The following PPP6R1 variants were observed in gnomAD, a reference collection of about 807,000 sequenced individuals.
PPP6R1 encodes serine/threonine-protein phosphatase 6 regulatory subunit 1.
Under a neutral mutation model 104.6 loss-of-function variants are expected in PPP6R1, and 39 were observed. The observed-to-expected ratio is 0.37, with a 90% CI of 0.29 to 0.49. The LOEUF is 0.49. Ranked by LOEUF, PPP6R1 falls within the 20% of genes least tolerant of loss-of-function variation. The probability of loss-of-function intolerance (pLI) is 0.98; values close to 1 mark genes in which losing one functional copy is unlikely to be tolerated. For missense variants in PPP6R1, 1,181 were observed against 1,155.8 expected (o/e 1.02, Z -0.32); for synonymous variants, 549 against 479.0 (o/e 1.15, Z -1.91).
At chr19:55,233,654 T>C (rs2087369505) in intron 17 of PPP6R1, among the ~76,000 whole-genome samples, 2 of 152,124 alleles carry the variant, frequency 1.3e-5, no homozygotes, top group South Asian at 4.1e-4. Flanking sequence ...CTTGTAACAA[T>C]CTGAAAACAA....
rs754675530 is a variant in PPP6R1, at chr19:55,246,899, C to T, written c.205G>A (p.Gly69Ser). Residue 69 changes from glycine (G) to serine (S), a missense_variant, in exon 2 of 24, where the codon GGT becomes AGT. By Grantham distance (56) the Gly-to-Ser change is moderately conservative. This residue lies in a region of PPP6R1 where 139 missense variants were observed against 200.1 expected (regional missense o/e 0.69). Coordinates refer to ENST00000412770, the MANE Select transcript of PPP6R1 (RefSeq NM_014931.4). ...CACTTGTAGCGCAGCCGCTCCTCACCGCTATCTGGCGGCTCCTGGGTGACC... is the reference window on the plus strand; with the variant it reads ...CACTTGTAGCGCAGCCGCTCCTCACTGCTATCTGGCGGCTCCTGGGTGACC... Reference protein sequence around the residue: ...AWVTQEPPDSGEERLRYKYPS... With the variant: ...AWVTQEPPDSSEERLRYKYPS... 51 of 1,610,228 alleles carry T rather than the reference C, an allele frequency of 3.2e-5. No individual in the cohort carries two copies. The highest frequency in any genetic ancestry group is 3.9e-5 in the Non-Finnish European group (46 of 1,178,204).
At chr19:55,237,519 T>C (rs1190787963) in intron 15 of PPP6R1, among the ~76,000 whole-genome samples, 1 of 152,186 alleles carries the variant, frequency 6.6e-6, no homozygotes, top group Non-Finnish European at 1.5e-5. Flanking sequence ...CACGAGGGTC[T>C]AATGATCAGG....
downstream of PPP6R1, chr19:55,228,437 G>C (rs139225645): frequency 6.2e-7 from 1 of 1,611,074 alleles, no homozygotes; most frequent in African/African-American, 1.3e-5. Flanking sequence ...ACATCTGGGC[G>C]CTTTGGGGAG....
At position 55,241,098 on chromosome 19, in the gene PPP6R1, T is replaced by C. The variant is rs2087451695; in HGVS notation, c.1162-19A>G. 5 of 1,548,520 alleles carry C rather than the reference T, an allele frequency of 3.2e-6. No homozygotes were observed. The South Asian group carries it at 3.6e-5, about 11-fold the overall frequency. On this transcript the variant is annotated intron_variant, in intron 9 of 23. Transcript: ENST00000412770. The surrounding 1 kb of genome is among the most constrained non-coding windows in gnomAD (Gnocchi z 5.4). ...AGAGGTCCTATGGGAGGACACAGGA[T>C]TGGTACCAGAGAGGCCCCGCCCCAG...
Position 55,241,155 on chromosome 19 carries a change from G to A in PPP6R1, c.1162-76C>T. Reference sequence around the variant, plus strand: ...CCCCAACCCCTGAGCCCCCAGCCGAGCCCCCACCCCAGCCCCCGAACCCTC... The same window carrying A: ...CCCCAACCCCTGAGCCCCCAGCCGAACCCCCACCCCAGCCCCCGAACCCTC... On this transcript the variant is annotated intron_variant, in intron 9 of 23. Coordinates refer to ENST00000412770, the MANE Select transcript of PPP6R1 (RefSeq NM_014931.4). This position sits in a 1 kb window ranked among gnomAD's most constrained non-coding sequence, Gnocchi z 5.4. 1.3e-5 allele frequency: 16 copies of A among 1,227,148 alleles called. No homozygotes were observed. The highest frequency in any genetic ancestry group is 2.6e-5 in the Admixed American group (1 of 37,998). 76.0% of individuals were successfully genotyped at this position (1,227,148 alleles called of 1,614,324 possible).
Position 55,245,925 on chromosome 19 carries a change from CT to C in PPP6R1, c.228-248del. Among the ~76,000 whole-genome samples the C allele has an allele frequency of 6.6e-6, 1 of 152,258 alleles. No individual in the cohort carries two copies. The highest frequency in any genetic ancestry group is 1.9e-4 in the East Asian group (1 of 5,172). On this transcript the variant is annotated intron_variant, in intron 2 of 23. Transcript: ENST00000412770. This position sits in a 1 kb window ranked among gnomAD's most constrained non-coding sequence, Gnocchi z 6.4. ...TTACCACCCCCAAGACAAGCTGGTC[CT>C]GAAGCTCCTGCGCTTCCCAATCCCC... is the stretch of plus-strand genomic sequence containing the variant.
Position 55,245,748 on chromosome 19 carries a change from C to A in PPP6R1, c.228-70G>T, listed in dbSNP as rs916332352. The stretch of plus-strand genomic sequence containing the variant: ...GGGGCAGGGGGCGGCAAGGCTCCAC[C>A]CTCTTCTCTGCACCGGGCACTGGGT... On this transcript the variant is annotated intron_variant, in intron 2 of 23. Coordinates refer to ENST00000412770, the MANE Select transcript of PPP6R1 (RefSeq NM_014931.4). This position sits in a 1 kb window ranked among gnomAD's most constrained non-coding sequence, Gnocchi z 6.4. The A allele has an allele frequency of 1.4e-5, 18 of 1,292,406 alleles. No individual in the cohort carries two copies. The African/African-American group carries it at 2.3e-4, about 17-fold the overall frequency. The allele number at this position is 1,292,406 out of a possible 1,614,324, so 80.1% of individuals were successfully genotyped here.
In PPP6R1 at chr19:55,236,903, C is replaced by T. The variant is rs374869794; in HGVS notation, c.1809+10G>A. On this transcript the variant is annotated intron_variant, in intron 16 of 23. Coordinates refer to ENST00000412770, the MANE Select transcript of PPP6R1 (RefSeq NM_014931.4). The stretch of plus-strand genomic sequence containing the variant: ...CACCCGCCACAACCAGGGGACAGGG[C>T]AGTACTCACGTTCTCATCGTCAGCA... 52 of 1,612,676 alleles carry T rather than the reference C, an allele frequency of 3.2e-5. No homozygotes were observed. In the South Asian group the frequency reaches 4.5e-4, roughly 14 times the overall value.
rs747649596 is a variant in PPP6R1 at position 55,232,110 on chromosome 19, G to A, written c.2090C>T (p.Pro697Leu). 3.1e-6 allele frequency: 5 copies of A among 1,606,912 alleles called. No homozygotes were observed. Among genetic ancestry groups the A allele is most frequent in the Non-Finnish European group, 4.2e-6 (5 of 1,176,848 alleles). The change falls in exon 18 of 24, where the codon CCT becomes CTT. Residue 697 changes from proline (P) to leucine (L), a missense_variant. Transcript: ENST00000412770. ...IGCAARGGAT[P>L]LSYPSPGPQP... ...AGGGCCAGGGCTGGGGTAGGACAGAGGGGTGGCCCCTCCACGGGCTGCACA... is the reference window on the plus strand; with the variant it reads ...AGGGCCAGGGCTGGGGTAGGACAGAAGGGTGGCCCCTCCACGGGCTGCACA...
At chr19:55,244,172 C>G (rs775115830) in intron 5 of PPP6R1, among the ~76,000 whole-genome samples, 4 of 152,222 alleles carry the variant, frequency 2.6e-5, no homozygotes, top group Non-Finnish European at 5.9e-5. Flanking sequence ...TCAGGGTCCT[C>G]ACAGGGACAG....
chr19:55,245,237 C>G lies in PPP6R1; in HGVS notation c.552+28G>C, dbSNP rs200157485. 7 of 1,601,450 alleles carry G rather than the reference C, an allele frequency of 4.4e-6. No homozygotes were observed. Among genetic ancestry groups the G allele is most frequent in the Non-Finnish European group, 4.3e-6 (5 of 1,174,430 alleles). Reference sequence around the variant, plus strand: ...TCGCTGTCCACCACGCCCAGCCCCCCACCCCCAGAGGAGCCGGCCCTGCTC... The same window carrying G: ...TCGCTGTCCACCACGCCCAGCCCCCGACCCCCAGAGGAGCCGGCCCTGCTC... On this transcript the variant is annotated intron_variant, in intron 4 of 23. Coordinates refer to ENST00000412770, the MANE Select transcript of PPP6R1 (RefSeq NM_014931.4). The surrounding 1 kb of genome is among the most constrained non-coding windows in gnomAD (Gnocchi z 6.4).
chr19:55,229,097 G>A (rs535998684), downstream of PPP6R1: 1 of 249,334 alleles, frequency 4.0e-6, no homozygotes, highest in African/African-American at 2.2e-5. Context: ...AAGCGGGAGA[G>A]GGGCTGGCTG....
chr19:55,256,060 A>G (rs1364391723), intron 1 of PPP6R1, among the ~76,000 whole-genome samples: 1 of 152,222 alleles, frequency 6.6e-6, no homozygotes, highest in Non-Finnish European at 1.5e-5. Context: ...TGTTAAGAGC[A>G]CTGGGCCACA....
At position 55,245,196 on chromosome 19, in the gene PPP6R1, G is replaced by A; in HGVS notation, c.553-11C>T. 1 of 1,611,890 alleles carries A rather than the reference G, an allele frequency of 6.2e-7. No individual in the cohort carries two copies. The highest frequency in any genetic ancestry group is 8.5e-7 in the Non-Finnish European group (1 of 1,179,184). On this transcript the variant is annotated splice_polypyrimidine_tract_variant and intron_variant, in intron 4 of 23. Transcript: ENST00000412770. This position sits in a 1 kb window ranked among gnomAD's most constrained non-coding sequence, Gnocchi z 6.4. ...CTCCTCGTTGAGCCACTGAGGGTGA[G>A]AAGGCGAGGGATGCATCGCTGTCCA... is the stretch of plus-strand genomic sequence containing the variant.
At chr19:55,248,480 A>G (rs544087469) in intron 1 of PPP6R1, among the ~76,000 whole-genome samples, 64 of 152,374 alleles carry the variant, frequency 4.2e-4, no homozygotes, top group African/African-American at 1.5e-3. Flanking sequence ...AAGTCACTAC[A>G]GAGGATGCTG....
In PPP6R1 at chr19:55,242,444, C is replaced by T; in HGVS notation, c.663G>A (p.Leu221=). Residue 221 remains leucine (L), a synonymous_variant, in exon 6 of 24, where the codon CTG becomes CTA. Coordinates refer to ENST00000412770, the MANE Select transcript of PPP6R1 (RefSeq NM_014931.4). ...ASQSLCDIIR[L]SREQMIQVQD... ...GGACTTGGATCATCTGCTCCCGGCTCAGGCGGATGATGTCACACAGGGACT... is the reference window on the plus strand; with the variant it reads ...GGACTTGGATCATCTGCTCCCGGCTTAGGCGGATGATGTCACACAGGGACT... The T allele has an allele frequency of 1.2e-6, 2 of 1,614,028 alleles. No homozygotes were observed. Among genetic ancestry groups the T allele is most frequent in the Non-Finnish European group, 1.7e-6 (2 of 1,179,890 alleles).
At chr19:55,253,319 G>A (rs1224631092) in intron 1 of PPP6R1, among the ~76,000 whole-genome samples, 1 of 152,238 alleles carries the variant, frequency 6.6e-6, no homozygotes, top group Admixed American at 6.5e-5. Flanking sequence ...TAAACAACAG[G>A]CAGAAATTCT....
intron 15 of PPP6R1, among the ~76,000 whole-genome samples, 198 bp from the exon 16 acceptor site, chr19:55,237,168 T>C (rs2087407603): frequency 6.6e-6 from 1 of 152,194 alleles, no homozygotes; most frequent in Non-Finnish European, 1.5e-5. Context: ...TCACATATGA[T>C]CACTTTAAAT....
chr19:55,252,741 T>A (rs1479912797), intron 1 of PPP6R1, among the ~76,000 whole-genome samples: 1 of 152,162 alleles, frequency 6.6e-6, no homozygotes, highest in Non-Finnish European at 1.5e-5. Flanking sequence ...TTTCACCACG[T>A]TGGCCAGGCT....
Sources: allele counts gnomAD v4.1 joint callset (sites outside exome capture counted in the v4.1 genomes callset), GRCh38; gene constraint gnomAD v4.1.1; regional missense constraint gnomAD v4.1.1; non-coding constraint Gnocchi (gnomAD v3.1); transcripts MANE v1.5; gene names NCBI Gene and HGNC (gene_info 2026-07-23, HGNC 2026-07-21).